The following ANO2 variants were observed in gnomAD, a reference collection of about 807,000 sequenced individuals.
The protein encoded by ANO2 is anoctamin 2.
A neutral mutation model predicts 124.2 loss-of-function variants in ANO2; 101 were observed. The ratio of observed to expected loss-of-function variants is 0.81; its 90% CI spans 0.69 to 0.96. The LOEUF is 0.96. ANO2 is among the 40% of genes least tolerant of loss of function. The probability of loss-of-function intolerance (pLI) is 0.00; values close to 1 mark genes in which losing one functional copy is unlikely to be tolerated. For synonymous variants in ANO2, 486 were observed against 482.5 expected (o/e 1.01, Z -0.09); for missense variants, 1,293 against 1,274.5 (o/e 1.01, Z -0.22).
chr12:5,637,776 T>C (rs1048627015), intron 15 of ANO2, among the ~76,000 whole-genome samples: 1 of 152,182 alleles, frequency 6.6e-6, no homozygotes, highest in African/African-American at 2.4e-5. Flanking sequence ...TTTGCAGGTT[T>C]ACCTTCTCTG....
In ANO2 at chr12:5,612,757, C is replaced by T. The variant is rs1187910541; in HGVS notation, c.1987-1G>A. ...CCATGAGACAGCCCCCTGGAGCACA[C>T]TGCAGGGAGAAGATAAGGAAAGGAC... is the stretch of plus-strand genomic sequence containing the variant. On this transcript the variant is annotated splice_acceptor_variant, in intron 18 of 24. Transcript: ENST00000682330. LOFTEE classifies it high-confidence loss of function. The T allele has an allele frequency of 1.2e-6, 2 of 1,613,642 alleles. No homozygotes were observed. Among genetic ancestry groups the T allele is most frequent in the Non-Finnish European group, 8.5e-7 (1 of 1,179,814 alleles).
At chr12:5,945,362 C>T (rs1943063282), upstream of ANO2, 1 of 833,616 alleles carries the variant, frequency 1.2e-6, no homozygotes. Flanking sequence ...CCATCCCTCC[C>T]GGCCGCCGGC....
At chr12:5,679,604 G>A (rs1018936734) in intron 14 of ANO2, among the ~76,000 whole-genome samples, 11 of 152,146 alleles carry the variant, frequency 7.2e-5, no homozygotes, top group African/African-American at 1.9e-4. Context: ...TCACATGCCC[G>A]TCAGAATGGC....
intron 23 of ANO2, among the ~76,000 whole-genome samples, chr12:5,575,511 T>C (rs574876416): frequency 1.3e-5 from 2 of 152,296 alleles, no homozygotes; most frequent in African/African-American, 4.8e-5. Flanking sequence ...CAAATCTAGA[T>C]GCTATATAGC....
intron 4 of ANO2, among the ~76,000 whole-genome samples, chr12:5,840,303 C>G (rs1954473554): frequency 6.6e-6 from 1 of 152,172 alleles, no homozygotes; most frequent in Non-Finnish European, 1.5e-5. Context: ...CTCACTGTTA[C>G]AGTCTAAGGG....
intron 14 of ANO2, among the ~76,000 whole-genome samples, chr12:5,667,665 G>A (rs1486834678): frequency 6.6e-6 from 1 of 152,078 alleles, no homozygotes; most frequent in East Asian, 1.9e-4. Flanking sequence ...ATTAAGCCCA[G>A]CATCCATTAG....
rs1029089124 is a variant in ANO2, at chr12:5,615,948, AG to A, written c.1817-652del. The stretch of plus-strand genomic sequence containing the variant: ...AGCTTGAGCCTAAGGTTTGACTCAT[AG>A]GTCACGGGCCCTGGGTGTTCTATCA... On this transcript the variant is annotated intron_variant, in intron 16 of 24. Coordinates refer to ENST00000682330, the MANE Select transcript of ANO2 (RefSeq NM_001364791.2). Among the ~76,000 whole-genome samples, 8 of 152,242 alleles carry A rather than the reference AG, an allele frequency of 5.3e-5. No homozygotes were observed. In the East Asian group the frequency reaches 5.8e-4, roughly 11 times the overall value.
At chr12:5,891,104 C>T (rs187354539) in intron 3 of ANO2, among the ~76,000 whole-genome samples, 1 of 152,288 alleles carries the variant, frequency 6.6e-6, no homozygotes, top group Admixed American at 6.5e-5. Context: ...TCCTTCTATG[C>T]CACCTCAAAA....
At chr12:5,926,987 G>A (rs933878567) in intron 1 of ANO2, among the ~76,000 whole-genome samples, 4 of 152,320 alleles carry the variant, frequency 2.6e-5, no homozygotes, top group African/African-American at 9.6e-5. Flanking sequence ...AAGTACATGA[G>A]CTATGAAAAA....
intron 21 of ANO2, 100 bp from the exon 22 acceptor site, chr12:5,578,107 C>G: frequency 7.0e-7 from 1 of 1,437,434 alleles, no homozygotes; most frequent in Non-Finnish European, 9.6e-7. Context: ...AACTACGGAG[C>G]AGCTTTGCTG....
chr12:5,905,789 CAAA>C (rs913017138), intron 3 of ANO2, among the ~76,000 whole-genome samples: 2 of 151,952 alleles, frequency 1.3e-5, no homozygotes, highest in African/African-American at 4.8e-5. Context: ...TGGAAAGATA[CAAA>C]AAAAATCTGC....
At position 5,872,008 on chromosome 12, in the gene ANO2, T is replaced by G. The variant is rs372020745; in HGVS notation, c.535-17867A>C. Among the ~76,000 whole-genome samples the G allele has an allele frequency of 1.6e-3, 246 of 152,312 alleles. 3 individuals carry two copies. The highest frequency in any genetic ancestry group is 5.7e-3 in the African/African-American group (239 of 41,568). On this transcript the variant is annotated intron_variant, in intron 3 of 24. Transcript: ENST00000682330. ...AGAAAACTGGAAATGTACAATCTTC[T>G]AACTTCTTTTTACTCATCCTGCAAC...
chr12:5,702,573 C>T (rs1293810397), intron 14 of ANO2, among the ~76,000 whole-genome samples: 1 of 144,544 alleles, frequency 6.9e-6, no homozygotes, highest in Admixed American at 6.9e-5. Context: ...CCAAAAAATG[C>T]AAAAAAAAAA....
intron 3 of ANO2, among the ~76,000 whole-genome samples, chr12:5,873,196 G>GCTCGCTCCCT (rs1393522452): frequency 1.7e-5 from 2 of 118,934 alleles, no homozygotes; most frequent in African/African-American, 3.4e-5. Context: ...GCCTAAAGCA[G>GCTCGCTCCCT]CTCTCTCTCT....
chr12:5,633,000 T>C (rs989075682), intron 16 of ANO2, among the ~76,000 whole-genome samples: 1 of 152,154 alleles, frequency 6.6e-6, no homozygotes, highest in African/African-American at 2.4e-5. Flanking sequence ...AAAAAAAATC[T>C]TCAGTGGTGC....
rs543606566 is a variant in ANO2, at chr12:5,595,463, T to A, written c.2233+4021A>T. Reference sequence around the variant, plus strand: ...ATCTTGAGCTCCTGGCCTCAAGCAATCCTCCTGTCTCAGCCTCCCAAAGTG... The same window carrying A: ...ATCTTGAGCTCCTGGCCTCAAGCAAACCTCCTGTCTCAGCCTCCCAAAGTG... On this transcript the variant is annotated intron_variant, in intron 20 of 24. Transcript: ENST00000682330. 1.3e-5 allele frequency among the ~76,000 whole-genome samples: 2 copies of A among 152,146 alleles called. 1 individual carries two copies. The highest frequency in any genetic ancestry group is 4.2e-4 in the South Asian group (2 of 4,816).
chr12:5,681,728 T>C (rs1834261800), intron 14 of ANO2, among the ~76,000 whole-genome samples: 1 of 152,204 alleles, frequency 6.6e-6, no homozygotes, highest in African/African-American at 2.4e-5. Context: ...CTGGAGTCCA[T>C]TACTACTCAT....
At position 5,676,771 on chromosome 12, in the gene ANO2, A is replaced by G. The variant is rs116290454; in HGVS notation, c.1546-28970T>C. ...GACATACAATCAAAAAGAAGGAAAC[A>G]GGCTGGGCCCGGTGGCTCATTCCTA... On this transcript the variant is annotated intron_variant, in intron 14 of 24. Coordinates refer to ENST00000682330, the MANE Select transcript of ANO2 (RefSeq NM_001364791.2). Among the ~76,000 whole-genome samples, 326 of 152,314 alleles carry G rather than the reference A, an allele frequency of 2.1e-3. 1 individual carries two copies. The highest frequency in any genetic ancestry group is 7.5e-3 in the African/African-American group (310 of 41,568).
rs367653045 is a variant in ANO2, at chr12:5,563,408, C to A, written c.2888G>T (p.Ser963Ile). The A allele has an allele frequency of 7.4e-6, 12 of 1,611,104 alleles. No homozygotes were observed. The African/African-American group carries it at 1.6e-4, about 21-fold the overall frequency. ...LKLMDEPALR[S>I]PGGGDRSRSR... ...CCTGCTTCGATCCCCACCTCCTGGG[C>A]TCCTCAGAGCCGGCTCATCCATCAG... The change falls in exon 25 of 25, where the codon AGC (serine) becomes ATC (isoleucine). Residue 963 changes from serine (S) to isoleucine (I), a missense_variant. Transcript: ENST00000682330.
Sources: allele counts gnomAD v4.1 joint callset (sites outside exome capture counted in the v4.1 genomes callset), GRCh38; gene constraint gnomAD v4.1.1; transcripts MANE v1.5; gene names NCBI Gene and HGNC (gene_info 2026-07-23, HGNC 2026-07-21).